Variants in SOX5 observed in about 807,000 individuals in gnomAD.
SOX5 encodes the protein transcription factor SOX-5.
In SOX5, 9 loss-of-function variants were observed where a neutral mutation model predicts 92.0. The ratio of observed to expected loss-of-function variants is 0.10; its 90% CI spans 0.06 to 0.17. The LOEUF (loss-of-function observed/expected upper bound fraction) is 0.17, where lower values mean the gene tolerates loss of function less well. SOX5 is among the 10% of genes least tolerant of loss of function. The pLI is 1.00. For synonymous variants in SOX5, 344 were observed against 336.3 expected (o/e 1.02, Z -0.25); for missense variants, 642 against 944.5 (o/e 0.68, Z 4.20).
At position 23,970,841 on chromosome 12, in the gene SOX5, A is replaced by ATATATTTTTTTTTTTTTTTTTTTT; in HGVS notation, c.-1-74818_-1-74817insAAAAAAAAAAAAAAAAAAAATATA. On this transcript the variant is annotated intron_variant, in intron 4 of 4. Transcript: ENST00000446891. ...ACATGGGACTTTATATATATATATA[A>ATATATTTTTTTTTTTTTTTTTTTT]TTTTTTTTTTTTTTTAAGAAATGGG... Among the ~76,000 whole-genome samples the ATATATTTTTTTTTTTTTTTTTTTT allele has an allele frequency of 1.1e-3, 25 of 21,880 alleles. 5 individuals carry two copies. Among genetic ancestry groups the ATATATTTTTTTTTTTTTTTTTTTT allele is most frequent in the South Asian group, 2.2e-3 (1 of 454 alleles). 14.4% of individuals were successfully genotyped at this position (21,880 alleles called of 152,430 possible).
chr12:23,691,195 G>A (rs1316916102), intron 6 of SOX5, among the ~76,000 whole-genome samples: 1 of 152,208 alleles, frequency 6.6e-6, no homozygotes, highest in African/African-American at 2.4e-5. Context: ...AAATGACTAT[G>A]TGAGGGAGAA....
At chr12:23,960,530 CAT>C (rs60925174) in intron 4 of SOX5, among the ~76,000 whole-genome samples, 88,898 of 136,450 alleles carry the variant, frequency 0.65, 29,842 homozygotes, top group East Asian at 0.8. Context: ...TATATATATA[CAT>C]ATATATATAT....
intron 2 of SOX5, among the ~76,000 whole-genome samples, chr12:24,304,479 C>G (rs923985424): frequency 6.6e-6 from 1 of 152,246 alleles, no homozygotes; most frequent in South Asian, 2.1e-4. Context: ...ATAAAAGGAA[C>G]TCAGAACTTG....
intron 3 of SOX5, among the ~76,000 whole-genome samples, chr12:24,264,476 G>A (rs1844337673): frequency 6.6e-6 from 1 of 152,132 alleles, no homozygotes; most frequent in Non-Finnish European, 1.5e-5. Flanking sequence ...CACCGTCTGA[G>A]GTGTGTTGAA....
At chr12:24,124,562 CAAAAAAA>C (rs35701853) in intron 4 of SOX5, among the ~76,000 whole-genome samples, 1 of 133,666 alleles carries the variant, frequency 7.5e-6, no homozygotes, top group Non-Finnish European at 1.6e-5. Context: ...AGGAATGGGA[CAAAAAAA>C]AAAAAAGAAA....
At chr12:23,687,326 TAC>T (rs573109000) in intron 6 of SOX5, among the ~76,000 whole-genome samples, 22 of 152,062 alleles carry the variant, frequency 1.4e-4, no homozygotes, top group Non-Finnish European at 1.9e-4. Flanking sequence ...TGTGTATATA[TAC>T]AGGCATGAAA....
At chr12:23,838,272 T>C (rs2096460892) in intron 3 of SOX5, among the ~76,000 whole-genome samples, 1 of 150,036 alleles carries the variant, frequency 6.7e-6, no homozygotes. Flanking sequence ...TTTTTTATGA[T>C]ACAATTTTTG....
At position 23,787,143 on chromosome 12, in the gene SOX5, A is replaced by T; in HGVS notation, c.482-31419T>A. ...CATTAGAACCACATAATTTCTATACATCTTCAAATTGTAATTTAGAAGCAT... is the reference window on the plus strand; with the variant it reads ...CATTAGAACCACATAATTTCTATACTTCTTCAAATTGTAATTTAGAAGCAT... On this transcript the variant is annotated intron_variant, in intron 3 of 14. Coordinates refer to ENST00000451604, the MANE Select transcript of SOX5 (RefSeq NM_006940.6). Among the ~76,000 whole-genome samples the T allele has an allele frequency of 1.3e-5, 2 of 151,852 alleles. 1 individual carries two copies. Among genetic ancestry groups the T allele is most frequent in the Non-Finnish European group, 2.9e-5 (2 of 67,830 alleles).
intron 3 of SOX5, among the ~76,000 whole-genome samples, chr12:23,760,011 G>A (rs2094520506): frequency 6.6e-6 from 1 of 151,850 alleles, no homozygotes; most frequent in South Asian, 2.1e-4. Flanking sequence ...ATTTTAAGAT[G>A]TGTCATGTTT....
At chr12:23,746,036 T>G (rs2093972593) in intron 4 of SOX5, among the ~76,000 whole-genome samples, 1 of 152,186 alleles carries the variant, frequency 6.6e-6, no homozygotes. Flanking sequence ...AATTCTAGTT[T>G]TGGCTTAAGA....
chr12:24,552,613 C>T (rs1168889526), intron 1 of SOX5, among the ~76,000 whole-genome samples: 1 of 152,202 alleles, frequency 6.6e-6, no homozygotes, highest in African/African-American at 2.4e-5. Flanking sequence ...AATACTTTCC[C>T]TTAAGTATAT....
intron 2 of SOX5, among the ~76,000 whole-genome samples, chr12:24,321,437 C>T (rs1330851709): frequency 1.3e-5 from 2 of 152,144 alleles, no homozygotes; most frequent in Non-Finnish European, 2.9e-5. Context: ...GGTATCTTCT[C>T]AAACATTTAA....
chr12:24,151,925 T>G (rs1309025649), intron 4 of SOX5, among the ~76,000 whole-genome samples: 1 of 152,064 alleles, frequency 6.6e-6, no homozygotes, highest in South Asian at 2.1e-4. Context: ...TAAAATATAT[T>G]TATTCTATCA....
chr12:24,236,450 A>G (rs922507990), intron 3 of SOX5, among the ~76,000 whole-genome samples: 5 of 152,206 alleles, frequency 3.3e-5, no homozygotes, highest in African/African-American at 1.2e-4. Flanking sequence ...TCCATAGGAA[A>G]AAGTTTTCAA....
chr12:23,837,978 T>C (rs2096453145), intron 3 of SOX5, among the ~76,000 whole-genome samples: 1 of 124,770 alleles, frequency 8.0e-6, no homozygotes, highest in Non-Finnish European at 1.6e-5. Flanking sequence ...TTATATAATA[T>C]ATATTTATAT....
At chr12:23,747,112 C>T (rs2094011734) in intron 4 of SOX5, among the ~76,000 whole-genome samples, 1 of 152,064 alleles carries the variant, frequency 6.6e-6, no homozygotes, top group Non-Finnish European at 1.5e-5. Flanking sequence ...CAGACTAATA[C>T]ACCATCCATA....
At chr12:24,119,595 T>C (rs1453907780) in intron 4 of SOX5, among the ~76,000 whole-genome samples, 1 of 152,106 alleles carries the variant, frequency 6.6e-6, no homozygotes, top group Non-Finnish European at 1.5e-5. Context: ...GGTAATAAGA[T>C]ATTAGAGAAT....
intron 1 of SOX5, among the ~76,000 whole-genome samples, chr12:24,444,298 G>A (rs1941125976): frequency 6.6e-6 from 1 of 151,904 alleles, no homozygotes; most frequent in African/African-American, 2.4e-5. Flanking sequence ...GTGTGTGTGT[G>A]TGTGTGCACC....
At chr12:24,116,127 C>G (rs1181069075) in intron 4 of SOX5, among the ~76,000 whole-genome samples, 1 of 152,090 alleles carries the variant, frequency 6.6e-6, no homozygotes, top group Admixed American at 6.6e-5. Context: ...CAACTGAGTT[C>G]AATCCTCTTC....
Sources: gnomAD v4.1 joint callset for allele counts (sites outside exome capture counted in the v4.1 genomes callset) on GRCh38, gnomAD v4.1.1 for gene constraint, MANE v1.5 for transcripts, NCBI Gene and HGNC (gene_info 2026-07-23, HGNC 2026-07-21) for gene names.